Variants in ACYP2 observed in about 807,000 individuals in gnomAD.
ACYP2 encodes acylphosphatase 2.
In ACYP2, 12 loss-of-function variants were observed where a neutral mutation model predicts 11.2. That is an observed-to-expected ratio of 1.08 (90% CI 0.69 to 1.74). The LOEUF is 1.74. ACYP2 is among the 40% of genes most tolerant of loss of function. The probability of loss-of-function intolerance (pLI) is 0.00; values close to 1 mark genes in which losing one functional copy is unlikely to be tolerated. For synonymous variants in ACYP2, 43 were observed against 32.2 expected (o/e 1.33, Z -1.13); for missense variants, 134 against 101.9 (o/e 1.31, Z -1.35).
rs546514712 is a variant in ACYP2, at chr2:54,016,870, C to T, written c.63-34088C>T. Reference sequence around the variant, plus strand: ...CCTCCCGAGTAGCTGGGACTACAGGCGCCCGCCACCACGCCCGGCTAATTT... The same window carrying T: ...CCTCCCGAGTAGCTGGGACTACAGGTGCCCGCCACCACGCCCGGCTAATTT... On this transcript the variant is annotated intron_variant, in intron 2 of 6. Coordinates refer to ENST00000607452, the MANE Select transcript of ACYP2 (RefSeq NM_001320586.2). Among the ~76,000 whole-genome samples the T allele has an allele frequency of 5.9e-5, 9 of 151,830 alleles. No homozygotes were observed. In the South Asian group the frequency reaches 1.0e-3, roughly 18 times the overall value.
At chr2:54,034,729 A>T (rs1342959167) in intron 2 of ACYP2, among the ~76,000 whole-genome samples, 1 of 152,082 alleles carries the variant, frequency 6.6e-6, no homozygotes, top group Non-Finnish European at 1.5e-5. Flanking sequence ...GATTAGACTC[A>T]TCTGGGCACG....
chr2:54,013,994 C>T (rs1673542624), intron 2 of ACYP2, among the ~76,000 whole-genome samples: 1 of 152,006 alleles, frequency 6.6e-6, no homozygotes. Flanking sequence ...CCCTTCTCCA[C>T]TAAAAATACA....
chr2:53,985,369 G>A (rs191752570), intron 2 of ACYP2, among the ~76,000 whole-genome samples: 2 of 152,092 alleles, frequency 1.3e-5, no homozygotes, highest in Non-Finnish European at 2.9e-5. Context: ...ACCTGGCCAG[G>A]ATTTAGCATT....
chr2:54,222,275 C>T (rs545926116), intron 6 of ACYP2, among the ~76,000 whole-genome samples: 4 of 152,060 alleles, frequency 2.6e-5, no homozygotes, highest in South Asian at 2.1e-4. Context: ...ACAGGCCAGG[C>T]GTGGTGGCTC....
chr2:54,069,369 A>G (rs1194797139), intron 4 of ACYP2, among the ~76,000 whole-genome samples: 3 of 152,252 alleles, frequency 2.0e-5, no homozygotes, highest in Non-Finnish European at 4.4e-5. Flanking sequence ...TGCTAAAACA[A>G]AGCAAAATAC....
chr2:54,242,739 C>T (rs1283247350), intron 6 of ACYP2, among the ~76,000 whole-genome samples: 3 of 152,186 alleles, frequency 2.0e-5, no homozygotes, highest in South Asian at 4.1e-4. Context: ...CCAGTCTAGG[C>T]GACAGCCTAG....
intron 2 of ACYP2, among the ~76,000 whole-genome samples, chr2:54,037,981 T>C (rs1675001656): frequency 6.6e-6 from 1 of 152,196 alleles, no homozygotes; most frequent in Non-Finnish European, 1.5e-5. Context: ...CCCCAGGGTG[T>C]AAAAATCTCC....
At chr2:54,247,416 C>T (rs1216430756) in intron 6 of ACYP2, among the ~76,000 whole-genome samples, 4 of 152,170 alleles carry the variant, frequency 2.6e-5, no homozygotes, top group African/African-American at 4.8e-5. Flanking sequence ...GGAATTAAAG[C>T]AGAAAGCTCA....
chr2:54,058,453 AC>A (rs34757906), intron 4 of ACYP2, among the ~76,000 whole-genome samples: 5 of 152,098 alleles, frequency 3.3e-5, no homozygotes, highest in African/African-American at 1.2e-4. Flanking sequence ...TTATCTATTA[AC>A]CCCTGACACA....
chr2:54,170,892 C>G (rs1683195186), intron 6 of ACYP2, among the ~76,000 whole-genome samples: 1 of 152,128 alleles, frequency 6.6e-6, no homozygotes, highest in Non-Finnish European at 1.5e-5. Flanking sequence ...TCTCCACTGC[C>G]TGACACAATC....
intron 2 of ACYP2, among the ~76,000 whole-genome samples, chr2:54,032,250 TGG>T (rs1674624244): frequency 6.6e-6 from 1 of 152,242 alleles, no homozygotes; most frequent in African/African-American, 2.4e-5. Context: ...TAGGGTTTTA[TGG>T]TTTTAGGTCT....
At position 54,113,077 on chromosome 2, in the gene ACYP2, T is replaced by C. The variant is rs374939753; in HGVS notation, c.278-22376T>C. Among the ~76,000 whole-genome samples the C allele has an allele frequency of 5.9e-5, 9 of 152,300 alleles. No homozygotes were observed. In the Middle Eastern group the frequency reaches 0.014, roughly 230 times the overall value. On this transcript the variant is annotated intron_variant, in intron 4 of 6. Transcript: ENST00000607452. ...CCCCTTGGATATAAAAATCCTGGAA[T>C]GTTCAAGTTCCTAATAGAAACATAC... is the stretch of plus-strand genomic sequence containing the variant.
intron 4 of ACYP2, among the ~76,000 whole-genome samples, chr2:54,121,572 G>T (rs527544779): frequency 6.6e-6 from 1 of 152,312 alleles, no homozygotes; most frequent in South Asian, 2.1e-4. Context: ...GATAATGCAT[G>T]ATTTAGAAGT....
intron 6 of ACYP2, among the ~76,000 whole-genome samples, chr2:54,168,515 A>G (rs1004461851): frequency 6.6e-6 from 1 of 152,212 alleles, no homozygotes; most frequent in Non-Finnish European, 1.5e-5. Flanking sequence ...AAAAAGCCAC[A>G]TGAACCGTGA....
intron 6 of ACYP2, among the ~76,000 whole-genome samples, chr2:54,170,342 G>A (rs1195970651): frequency 3.3e-5 from 5 of 151,984 alleles, no homozygotes; most frequent in South Asian, 2.1e-4. Context: ...TAGTAGAGAC[G>A]GGGTTTCACC....
chr2:53,989,977 T>TTTTC (rs1344605980), intron 2 of ACYP2, among the ~76,000 whole-genome samples: 1 of 113,254 alleles, frequency 8.8e-6, no homozygotes, highest in Non-Finnish European at 1.9e-5. Context: ...TTTTCTTTTC[T>TTTTC]TTTCTTTTTT....
At chr2:53,991,167 T>C (rs1004306979) in intron 2 of ACYP2, among the ~76,000 whole-genome samples, 2 of 152,232 alleles carry the variant, frequency 1.3e-5, no homozygotes, top group African/African-American at 4.8e-5. Flanking sequence ...CTGCTGGTCA[T>C]CATCAGATGT....
chr2:54,186,807 C>T (rs1178082840), intron 6 of ACYP2, among the ~76,000 whole-genome samples: 4 of 152,142 alleles, frequency 2.6e-5, no homozygotes, highest in Non-Finnish European at 5.9e-5. Context: ...AGCCACCGTA[C>T]CCGGCCAATA....
intron 4 of ACYP2, among the ~76,000 whole-genome samples, chr2:54,088,818 G>A (rs775398347): frequency 2.6e-5 from 4 of 152,174 alleles, no homozygotes; most frequent in Non-Finnish European, 2.9e-5. Context: ...TTCCCACTTA[G>A]TATATCAGAA....
Sources: gnomAD v4.1 joint callset for allele counts (sites outside exome capture counted in the v4.1 genomes callset) on GRCh38, gnomAD v4.1.1 for gene constraint, MANE v1.5 for transcripts, NCBI Gene and HGNC (gene_info 2026-07-23, HGNC 2026-07-21) for gene names.